CTNNA2: variants seen among roughly 807,000 people sequenced by gnomAD.
The protein encoded by CTNNA2 is catenin alpha-2.
A neutral mutation model predicts 101.0 loss-of-function variants in CTNNA2; 42 were observed. The ratio of observed to expected loss-of-function variants is 0.42; its 90% confidence interval spans 0.32 to 0.54. The LOEUF is 0.54. CTNNA2 is among the 20% of genes least tolerant of loss of function. The pLI is 0.14. For missense variants in CTNNA2, 871 were observed against 1,223.1 expected, an observed-to-expected ratio of 0.71 and a Z score of 4.29; for synonymous variants, 450 against 456.4, an observed-to-expected ratio of 0.99 and a Z score of 0.18.
At chr2:79,610,236 A>G (rs1269347763) in intron 1 of CTNNA2, among the ~76,000 whole-genome samples, 2 of 152,150 alleles carry the variant, frequency 1.3e-5, no homozygotes, top group East Asian at 1.9e-4. Flanking sequence ...TATTCACACA[A>G]TTAAAATTAA....
At chr2:80,633,821 G>T (rs1201071514) in intron 18 of CTNNA2, among the ~76,000 whole-genome samples, 1 of 152,168 alleles carries the variant, frequency 6.6e-6, no homozygotes, top group Non-Finnish European at 1.5e-5. Context: ...TGCTATTAAT[G>T]GAGGAGATGG....
chr2:79,861,695 G>A (rs1027708763), intron 4 of CTNNA2, among the ~76,000 whole-genome samples: 4 of 152,168 alleles, frequency 2.6e-5, no homozygotes, highest in Non-Finnish European at 5.9e-5. Flanking sequence ...ATATATTAAA[G>A]ATTCACATGA....
At chr2:80,161,543 A>G (rs949473544) in intron 7 of CTNNA2, among the ~76,000 whole-genome samples, 5 of 152,192 alleles carry the variant, frequency 3.3e-5, no homozygotes, top group South Asian at 2.1e-4. Flanking sequence ...CAAAGGTTCA[A>G]ACAAAAAAAA....
At chr2:79,303,267 G>A (rs529112839) in intron 2 of CTNNA2, among the ~76,000 whole-genome samples, 1 of 152,298 alleles carries the variant, frequency 6.6e-6, no homozygotes, top group Admixed American at 6.5e-5. Context: ...CCTTGTGAAT[G>A]AGGTGTGGGC....
chr2:79,506,139 T>TGAAAATTTGAA (rs1408407509), intron 5 of CTNNA2, among the ~76,000 whole-genome samples: 1 of 152,196 alleles, frequency 6.6e-6, no homozygotes, highest in Non-Finnish European at 1.5e-5. Flanking sequence ...AATGAAATAC[T>TGAAAATTTGAA]ACAGGAAAAT....
At chr2:80,601,543 C>A (rs562147264) in intron 15 of CTNNA2, 1 of 150,598 alleles carries the variant, frequency 6.6e-6, no homozygotes, top group South Asian at 2.1e-4. Context: ...CTCCTAGAAA[C>A]TTATTTCATC....
At chr2:79,351,881 G>T (rs1423139471) in intron 3 of CTNNA2, among the ~76,000 whole-genome samples, 1 of 152,120 alleles carries the variant, frequency 6.6e-6, no homozygotes, top group Non-Finnish European at 1.5e-5. Context: ...ATTGTGAATA[G>T]TGCTGGAATG....
intron 7 of CTNNA2, among the ~76,000 whole-genome samples, chr2:80,119,988 C>T (rs753977020): frequency 2.0e-5 from 3 of 152,212 alleles, no homozygotes; most frequent in Admixed American, 6.5e-5. Flanking sequence ...CTGAAGTGCC[C>T]ATTACCCACA....
intron 7 of CTNNA2, among the ~76,000 whole-genome samples, chr2:80,194,809 G>A (rs1185616067): frequency 1.3e-5 from 2 of 150,530 alleles, no homozygotes. Flanking sequence ...ATACATCTGT[G>A]TTTTTGTGTG....
At chr2:80,365,427 C>CA (rs1329860943) in intron 7 of CTNNA2, among the ~76,000 whole-genome samples, 1 of 152,016 alleles carries the variant, frequency 6.6e-6, no homozygotes. Flanking sequence ...TCATATCTGG[C>CA]AATAGTATTT....
intron 15 of CTNNA2, among the ~76,000 whole-genome samples, chr2:80,595,698 T>C (rs1306266585): frequency 6.6e-6 from 1 of 152,056 alleles, no homozygotes; most frequent in East Asian, 1.9e-4. Context: ...ATTTCTGAGG[T>C]CTCTGTTATG....
chr2:79,709,876 A>C (rs1378158084), intron 2 of CTNNA2, among the ~76,000 whole-genome samples: 1 of 152,162 alleles, frequency 6.6e-6, no homozygotes, highest in East Asian at 1.9e-4. Flanking sequence ...AATTGGGACA[A>C]TAACAGAGAC....
chr2:80,375,851 C>T, intron 7 of CTNNA2, among the ~76,000 whole-genome samples: 1 of 150,708 alleles, frequency 6.6e-6, no homozygotes, highest in South Asian at 2.1e-4. Flanking sequence ...GCATGAGCCA[C>T]CATGCCTGGC....
At chr2:80,526,304 A>G (rs537368453) in intron 9 of CTNNA2, among the ~76,000 whole-genome samples, 1 of 152,178 alleles carries the variant, frequency 6.6e-6, no homozygotes, top group East Asian at 1.9e-4. Flanking sequence ...GGTTCAAGGG[A>G]TTCTCATGCC....
intron 4 of CTNNA2, among the ~76,000 whole-genome samples, chr2:79,416,828 C>T (rs139466752): frequency 3.2e-4 from 48 of 152,176 alleles, no homozygotes; most frequent in Admixed American, 8.5e-4. Context: ...CTTTATCCCA[C>T]AGAAGTCACT....
intron 9 of CTNNA2, among the ~76,000 whole-genome samples, chr2:80,458,144 C>T (rs868570790): frequency 1.4e-4 from 22 of 152,192 alleles, no homozygotes; most frequent in African/African-American, 5.1e-4. Context: ...CCTTTGAAGT[C>T]TTTGAAGAAA....
At chr2:79,303,298 G>A (rs1409198023) in intron 2 of CTNNA2, among the ~76,000 whole-genome samples, 2 of 152,106 alleles carry the variant, frequency 1.3e-5, no homozygotes, top group Middle Eastern at 3.2e-3. Context: ...ACTACATCAC[G>A]CTATCCCAGG....
chr2:79,479,917 C>T (rs1205058626), intron 4 of CTNNA2, among the ~76,000 whole-genome samples: 3 of 150,224 alleles, frequency 2.0e-5, no homozygotes, highest in Non-Finnish European at 3.0e-5. Context: ...AGTGAGACTC[C>T]ATCTCAAAAA....
At position 80,178,659 on chromosome 2, in the gene CTNNA2, G is replaced by A. The variant is rs187687167; in HGVS notation, c.1057-214552G>A. On this transcript the variant is annotated intron_variant, in intron 7 of 18. Coordinates refer to ENST00000402739, the MANE Select transcript of CTNNA2 (RefSeq NM_001282597.3). ...AAACTGGCAGCCTTTCAGGTCACTC[G>A]AAAAATGGGCCAGAGTAATACACCC... Among the ~76,000 whole-genome samples, 192 of 152,254 alleles carry A rather than the reference G, an allele frequency of 1.3e-3. 1 individual carries two copies. Among genetic ancestry groups the A allele is most frequent in the African/African-American group, 4.3e-3 (179 of 41,564 alleles).
Sources: gnomAD v4.1 joint callset for allele counts (sites outside exome capture counted in the v4.1 genomes callset) on GRCh38, gnomAD v4.1.1 for gene constraint, MANE v1.5 for transcripts, NCBI Gene and HGNC (gene_info 2026-07-23, HGNC 2026-07-21) for gene names.